The following INPP4B variants were observed in gnomAD, a reference collection of about 807,000 sequenced individuals.
INPP4B encodes the protein inositol polyphosphate-4-phosphatase type II B.
INPP4B carries 55 observed loss-of-function variants against 122.5 expected under a neutral mutation model. The observed-to-expected ratio is 0.45, with a 90% confidence interval of 0.36 to 0.56. The LOEUF (loss-of-function observed/expected upper bound fraction) is 0.56. INPP4B is among the 20% of genes least tolerant of loss of function. INPP4B has a pLI of 0.00. For synonymous variants in INPP4B, 403 were observed against 388.7 expected (o/e 1.04, Z -0.43); for missense variants, 1,000 against 1,097.7 (o/e 0.91, Z 1.26).
intron 9 of INPP4B, among the ~76,000 whole-genome samples, chr4:142,294,030 G>A (rs1757519514): frequency 6.6e-6 from 1 of 152,154 alleles, no homozygotes; most frequent in South Asian, 2.1e-4. Flanking sequence ...ATAGACACTG[G>A]AGACTCAGAA....
Position 142,391,579 on chromosome 4 carries a change from AAAC to A in INPP4B, c.372+11356_372+11358del, listed in dbSNP as rs529031801. ...TGTGTCTCAAAACAAACAAAAAACA[AAAC>A]AAACAAAACAAACAAAAACAAACAA... On this transcript the variant is annotated intron_variant, in intron 7 of 25. Coordinates refer to ENST00000262992, the MANE Select transcript of INPP4B (RefSeq NM_001101669.3). Among the ~76,000 whole-genome samples the A allele has an allele frequency of 8.2e-3, 1,247 of 152,274 alleles. 22 individuals are homozygous for A. The highest frequency in any genetic ancestry group is 0.027 in the African/African-American group (1,139 of 41,564).
chr4:142,561,658 A>T (rs1055001124), intron 2 of INPP4B, among the ~76,000 whole-genome samples: 9 of 152,068 alleles, frequency 5.9e-5, no homozygotes, highest in Admixed American at 1.3e-4. Flanking sequence ...TGAACTCATG[A>T]TCCTCCCGCC....
chr4:142,447,267 G>A (rs1248400930), intron 3 of INPP4B, among the ~76,000 whole-genome samples: 1 of 152,148 alleles, frequency 6.6e-6, no homozygotes, highest in African/African-American at 2.4e-5. Context: ...CTCCAGCAGT[G>A]CTCGGCAGCC....
At chr4:142,437,557 T>C (rs1209813302) in intron 3 of INPP4B, among the ~76,000 whole-genome samples, 1 of 151,896 alleles carries the variant, frequency 6.6e-6, no homozygotes, top group Admixed American at 6.6e-5. Flanking sequence ...TAACAGCAGA[T>C]CTCTTAGAAG....
chr4:142,564,413 G>GA (rs1297867389), intron 2 of INPP4B, among the ~76,000 whole-genome samples: 1 of 98,992 alleles, frequency 1.0e-5, no homozygotes, highest in Non-Finnish European at 1.9e-5. Flanking sequence ...ATTTATAGTA[G>GA]AAAAATGTAG....
chr4:142,396,844 C>T (rs1017385970), intron 7 of INPP4B, among the ~76,000 whole-genome samples: 1 of 151,898 alleles, frequency 6.6e-6, no homozygotes, highest in Non-Finnish European at 1.5e-5. Flanking sequence ...CTAGATGTAA[C>T]AGTGCAAAAC....
chr4:142,378,635 AAT>A (rs1248210849), intron 7 of INPP4B, among the ~76,000 whole-genome samples: 1 of 152,170 alleles, frequency 6.6e-6, no homozygotes, highest in African/African-American at 2.4e-5. Flanking sequence ...TAGAGAGGAG[AAT>A]ATGTCTCTGA....
At chr4:142,638,142 G>A (rs764475748) in intron 2 of INPP4B, among the ~76,000 whole-genome samples, 6 of 152,096 alleles carry the variant, frequency 3.9e-5, no homozygotes, top group East Asian at 1.9e-4. Flanking sequence ...CTCCCAGTCC[G>A]TGGCTTGTCT....
intron 11 of INPP4B, among the ~76,000 whole-genome samples, chr4:142,255,713 A>C (rs1490662149): frequency 6.6e-6 from 1 of 152,210 alleles, no homozygotes; most frequent in Non-Finnish European, 1.5e-5. Context: ...GTAAGTCCTG[A>C]GTGACCTACA....
At position 142,402,541 on chromosome 4, in the gene INPP4B, G is replaced by A. The variant is rs1266581523; in HGVS notation, c.372+397C>T. On this transcript the variant is annotated intron_variant, in intron 7 of 25. Coordinates refer to ENST00000262992, the MANE Select transcript of INPP4B (RefSeq NM_001101669.3). ...AAATGTAGTCAGTTTCTCTCTATACGGTATGCAATACATTGTAAAAGTAGA... is the reference window on the plus strand; with the variant it reads ...AAATGTAGTCAGTTTCTCTCTATACAGTATGCAATACATTGTAAAAGTAGA... Among the ~76,000 whole-genome samples, 6 of 152,034 alleles carry A rather than the reference G, an allele frequency of 3.9e-5. 1 individual carries two copies. Among genetic ancestry groups the A allele is most frequent in the Admixed American group, 2.6e-4 (4 of 15,258 alleles).
chr4:142,036,747 A>G (rs1038742544), intron 25 of INPP4B, among the ~76,000 whole-genome samples: 1 of 152,230 alleles, frequency 6.6e-6, no homozygotes, highest in African/African-American at 2.4e-5. Context: ...ATAACATATT[A>G]AAGATGTCTC....
At chr4:142,241,002 A>G (rs1262669987) in intron 11 of INPP4B, among the ~76,000 whole-genome samples, 2 of 152,138 alleles carry the variant, frequency 1.3e-5, no homozygotes, top group Non-Finnish European at 2.9e-5. Flanking sequence ...TCAACTTTAA[A>G]AAAAAAGATT....
Position 142,405,332 on chromosome 4 carries a change from C to T in INPP4B, c.137-8G>A, listed in dbSNP as rs749897238. 39 of 1,519,028 alleles carry T rather than the reference C, an allele frequency of 2.6e-5. 1 individual carries two copies. The Admixed American group carries it at 6.5e-4, about 25-fold the overall frequency. The allele number at this position is 1,519,028 out of a possible 1,614,324, so 94.1% of individuals were successfully genotyped here. A position where few individuals can be genotyped will look rare whatever the true frequency, so the allele number is the denominator to read the frequency against. On this transcript the variant is annotated splice_polypyrimidine_tract_variant and splice_region_variant and intron_variant, in intron 5 of 25. Coordinates refer to ENST00000262992, the MANE Select transcript of INPP4B (RefSeq NM_001101669.3). ...CCACGAGATCCTTGCATGCTGGCAA[C>T]GGCAGAGGAGACAGAAAGAAAAGAA...
chr4:142,349,076 G>A (rs1185831878), intron 7 of INPP4B, among the ~76,000 whole-genome samples: 1 of 151,968 alleles, frequency 6.6e-6, no homozygotes, highest in Non-Finnish European at 1.5e-5. Context: ...ATTAGATACT[G>A]CTACATAGTC....
intron 1 of INPP4B, among the ~76,000 whole-genome samples, chr4:142,773,947 T>A (rs2151007357): frequency 6.6e-6 from 1 of 152,214 alleles, no homozygotes; most frequent in East Asian, 1.9e-4. Context: ...AAGCATCATT[T>A]TACCAGATAG....
chr4:142,409,216 C>T (rs1360040867), intron 5 of INPP4B, among the ~76,000 whole-genome samples: 2 of 152,046 alleles, frequency 1.3e-5, no homozygotes, highest in Admixed American at 6.6e-5. Flanking sequence ...GAGGGGGCCA[C>T]ATGCGGTGGC....
chr4:142,179,377 G>A (rs1829745688), intron 15 of INPP4B, among the ~76,000 whole-genome samples: 1 of 148,676 alleles, frequency 6.7e-6, no homozygotes, highest in African/African-American at 2.5e-5. Flanking sequence ...GGAGGCTGAG[G>A]TAGGAGAATT....
intron 2 of INPP4B, among the ~76,000 whole-genome samples, chr4:142,720,453 C>A (rs1279246780): frequency 1.3e-5 from 2 of 151,830 alleles, no homozygotes; most frequent in Admixed American, 6.6e-5. Context: ...TCCCAATGTA[C>A]CAGAATATGC....
intron 16 of INPP4B, among the ~76,000 whole-genome samples, chr4:142,172,539 T>C (rs1826113685): frequency 6.6e-6 from 1 of 151,978 alleles, no homozygotes; most frequent in Non-Finnish European, 1.5e-5. Context: ...GTTCTGAGTT[T>C]GGCTTTTCAC....
Sources: gnomAD v4.1 joint callset for allele counts (sites outside exome capture counted in the v4.1 genomes callset) on GRCh38, gnomAD v4.1.1 for gene constraint, MANE v1.5 for transcripts, NCBI Gene and HGNC (gene_info 2026-07-23, HGNC 2026-07-21) for gene names.